The following BMPR1B variants were observed in gnomAD, a reference collection of about 807,000 sequenced individuals.
BMPR1B encodes the protein bone morphogenetic protein receptor type 1B.
In BMPR1B, 12 loss-of-function variants were observed where a neutral mutation model predicts 59.1. The ratio of observed to expected loss-of-function variants is 0.20; its 90% CI spans 0.13 to 0.33. The LOEUF is 0.33. Ranked by LOEUF, BMPR1B falls within the 10% of genes least tolerant of loss-of-function variation. BMPR1B has a pLI of 1.00. For synonymous variants in BMPR1B, 237 were observed against 207.3 expected, an observed-to-expected ratio of 1.14 and a Z score of -1.23; for missense variants, 550 against 610.9, an observed-to-expected ratio of 0.90 and a Z score of 1.05.
At chr4:94,961,763 G>A (rs544640053) in intron 2 of BMPR1B, among the ~76,000 whole-genome samples, 9 of 151,766 alleles carry the variant, frequency 5.9e-5, no homozygotes, top group Non-Finnish European at 1.0e-4. Flanking sequence ...TTTCCTATTC[G>A]TTTATAAATT....
At chr4:95,143,641 A>G (rs1390032875) in intron 10 of BMPR1B, among the ~76,000 whole-genome samples, 1 of 152,176 alleles carries the variant, frequency 6.6e-6, no homozygotes, top group Non-Finnish European at 1.5e-5. Flanking sequence ...ATATCATACC[A>G]CTGTCATTCA....
intron 3 of BMPR1B, among the ~76,000 whole-genome samples, chr4:95,011,264 A>G (rs1038107305): frequency 6.6e-6 from 1 of 151,416 alleles, no homozygotes; most frequent in Non-Finnish European, 1.5e-5. Flanking sequence ...GGTAGACCCC[A>G]CTGTCTGTTG....
chr4:95,029,818 G>A (rs1379805741), intron 3 of BMPR1B, among the ~76,000 whole-genome samples: 1 of 152,166 alleles, frequency 6.6e-6, no homozygotes, highest in Non-Finnish European at 1.5e-5. Context: ...TAACTGGTGT[G>A]AGATGGTATC....
chr4:94,758,472 C>T (rs1464297068), intron 1 of BMPR1B, among the ~76,000 whole-genome samples: 1 of 147,268 alleles, frequency 6.8e-6, no homozygotes, highest in African/African-American at 2.5e-5. Context: ...AGGGATGGGG[C>T]GGGAGGGCGA....
intron 1 of BMPR1B, among the ~76,000 whole-genome samples, chr4:94,780,594 A>G (rs1935685121): frequency 6.6e-6 from 1 of 151,670 alleles, no homozygotes; most frequent in African/African-American, 2.4e-5. Flanking sequence ...AGGAACATCC[A>G]GGTTGTTTTC....
At chr4:94,986,873 C>T (rs1488459120) in intron 2 of BMPR1B, among the ~76,000 whole-genome samples, 1 of 151,708 alleles carries the variant, frequency 6.6e-6, no homozygotes, top group Non-Finnish European at 1.5e-5. Context: ...AACCCCGTCT[C>T]TACTAAAAAT....
chr4:95,065,847 A>G (rs528294541), intron 3 of BMPR1B, among the ~76,000 whole-genome samples: 1 of 152,296 alleles, frequency 6.6e-6, no homozygotes, highest in South Asian at 2.1e-4. Flanking sequence ...TTATAATAAT[A>G]TTTTATCTTT....
chr4:94,970,262 T>G (rs904052908), intron 2 of BMPR1B, among the ~76,000 whole-genome samples: 35 of 109,804 alleles, frequency 3.2e-4, no homozygotes, highest in Admixed American at 9.2e-4. Flanking sequence ...TTCTCTTCTC[T>G]TCTCTTCTCT....
intron 3 of BMPR1B, among the ~76,000 whole-genome samples, chr4:95,040,657 G>T (rs1279895107): frequency 6.6e-6 from 1 of 152,190 alleles, no homozygotes; most frequent in South Asian, 2.1e-4. Context: ...GGTTTTTATA[G>T]TGTATAACTT....
In BMPR1B at chr4:94,796,536, A is replaced by G. The variant is rs576923623; in HGVS notation, c.-183+38468A>G. On this transcript the variant is annotated intron_variant, in intron 1 of 12. Transcript: ENST00000515059. ...TTTAAACCTTTGAAAAGAGGTTCTT[A>G]ATTTTTTTTTTTTAAGTTTGAAGTT... is the stretch of plus-strand genomic sequence containing the variant. Among the ~76,000 whole-genome samples, 9 of 151,934 alleles carry G rather than the reference A, an allele frequency of 5.9e-5. No individual in the cohort carries two copies. In the East Asian group the frequency reaches 1.2e-3, roughly 20 times the overall value.
At chr4:94,788,645 C>G (rs1445332555) in intron 1 of BMPR1B, among the ~76,000 whole-genome samples, 1 of 152,170 alleles carries the variant, frequency 6.6e-6, no homozygotes, top group Non-Finnish European at 1.5e-5. Flanking sequence ...TACTAAATCT[C>G]TTTCTAGGCA....
intron 2 of BMPR1B, among the ~76,000 whole-genome samples, chr4:94,926,063 CA>C (rs1449203458): frequency 1.1e-5 from 1 of 89,454 alleles, no homozygotes; most frequent in Non-Finnish European, 2.3e-5. Flanking sequence ...CCCTCCCCCC[CA>C]ATCCCTCCCG....
At chr4:94,953,204 CTCTT>C (rs1730014408) in intron 2 of BMPR1B, among the ~76,000 whole-genome samples, 1 of 152,086 alleles carries the variant, frequency 6.6e-6, no homozygotes, top group Non-Finnish European at 1.5e-5. Context: ...TGGGTCTTGA[CTCTT>C]TATCCAATTT....
At chr4:94,957,333 G>GTTTTTT (rs56341742) in intron 2 of BMPR1B, among the ~76,000 whole-genome samples, 15 of 65,660 alleles carry the variant, frequency 2.3e-4, no homozygotes, top group East Asian at 6.0e-4. Flanking sequence ...CCTGTTTCGT[G>GTTTTTT]TTTTTTTTTT....
At chr4:94,902,226 AC>A (rs1727847351) in intron 2 of BMPR1B, among the ~76,000 whole-genome samples, 1 of 84,108 alleles carries the variant, frequency 1.2e-5, no homozygotes, top group Non-Finnish European at 2.4e-5. Context: ...TCACACACAC[AC>A]ACACACACAC....
At chr4:94,974,785 G>A (rs1025791565) in intron 2 of BMPR1B, among the ~76,000 whole-genome samples, 2 of 152,134 alleles carry the variant, frequency 1.3e-5, no homozygotes, top group African/African-American at 4.8e-5. Context: ...AACATAATAA[G>A]CATTCAGTGA....
chr4:94,784,672 C>T (rs2110591795), intron 1 of BMPR1B, among the ~76,000 whole-genome samples: 1 of 152,172 alleles, frequency 6.6e-6, no homozygotes, highest in Non-Finnish European at 1.5e-5. Context: ...TGTTAACATA[C>T]ATTGGCATAA....
At chr4:94,805,310 T>C (rs1421519188) in intron 1 of BMPR1B, among the ~76,000 whole-genome samples, 1 of 152,164 alleles carries the variant, frequency 6.6e-6, no homozygotes, top group South Asian at 2.1e-4. Flanking sequence ...AAGATTACAC[T>C]GACACTCAGG....
Position 94,897,062 on chromosome 4 carries a change from C to T in BMPR1B, c.-113+21162C>T, listed in dbSNP as rs926892084. Among the ~76,000 whole-genome samples, 4 of 151,946 alleles carry T rather than the reference C, an allele frequency of 2.6e-5. No individual in the cohort carries two copies. The South Asian group carries it at 6.2e-4, about 24-fold the overall frequency. Reference sequence around the variant, plus strand: ...CACAGGCTTTGCATATGTAAATATCCGCCAGTCAGAGTGGGTTTGAGGCCT... The same window carrying T: ...CACAGGCTTTGCATATGTAAATATCTGCCAGTCAGAGTGGGTTTGAGGCCT... On this transcript the variant is annotated intron_variant, in intron 2 of 12. Coordinates refer to ENST00000515059, the MANE Select transcript of BMPR1B (RefSeq NM_001203.3).
Sources: gnomAD v4.1 joint callset for allele counts (sites outside exome capture counted in the v4.1 genomes callset) on GRCh38, gnomAD v4.1.1 for gene constraint, MANE v1.5 for transcripts, NCBI Gene and HGNC (gene_info 2026-07-23, HGNC 2026-07-21) for gene names.